AGBL3: variants seen among roughly 807,000 people sequenced by gnomAD.
The protein encoded by AGBL3 is AGBL carboxypeptidase 3.
In AGBL3, 68 loss-of-function variants were observed where a neutral mutation model predicts 94.5. That is an observed-to-expected ratio of 0.72 (90% CI 0.59 to 0.88). The LOEUF (loss-of-function observed/expected upper bound fraction) is 0.88. AGBL3 is among the 40% of genes least tolerant of loss of function. The probability of loss-of-function intolerance (pLI) is 0.00; values close to 1 mark genes in which losing one functional copy is unlikely to be tolerated. For missense variants in AGBL3, 934 were observed against 1,103.8 expected (o/e 0.85, Z 2.18); for synonymous variants, 354 against 370.7 (o/e 0.95, Z 0.52).
chr7:135,004,769 G>A (rs1812177821), intron 4 of AGBL3, among the ~76,000 whole-genome samples: 1 of 151,262 alleles, frequency 6.6e-6, no homozygotes. Flanking sequence ...ACTTTACATT[G>A]TGTTTTTGCA....
At chr7:135,024,995 A>AT (rs1814932720) in intron 5 of AGBL3, among the ~76,000 whole-genome samples, 1 of 151,612 alleles carries the variant, frequency 6.6e-6, no homozygotes, top group African/African-American at 2.4e-5. Context: ...CCTATGACCC[A>AT]TTGGCATTCC....
Position 135,135,048 on chromosome 7 carries a change from A to C in AGBL3, c.2550A>C (p.Glu850Asp). The change falls in exon 17 of 17, where the codon GAA becomes GAC. Residue 850 changes from glutamate to aspartate, a missense_variant. Coordinates refer to ENST00000436302, the MANE Select transcript of AGBL3 (RefSeq NM_178563.4). ...CTCAAATCTGGGCCATAAAGAATGAAGACATAAAACCTCTCAGCAGCAAGT... is the reference window on the plus strand; with the variant it reads ...CTCAAATCTGGGCCATAAAGAATGACGACATAAAACCTCTCAGCAGCAAGT... The part of the protein sequence containing the change: ...KHSQIWAIKN[E>D]DIKPLSSKWE... 1 of 1,551,262 alleles carries C rather than the reference A, an allele frequency of 6.4e-7. No homozygotes were observed. Among genetic ancestry groups the C allele is most frequent in the Non-Finnish European group, 8.7e-7 (1 of 1,146,678 alleles).
intron 4 of AGBL3, among the ~76,000 whole-genome samples, chr7:135,013,199 C>G (rs945607213): frequency 6.6e-6 from 1 of 151,984 alleles, no homozygotes; most frequent in Non-Finnish European, 1.5e-5. Flanking sequence ...AAATCTGAAC[C>G]ACAATGAGAT....
intron 4 of AGBL3, among the ~76,000 whole-genome samples, 181 bp from the exon 5 acceptor site, chr7:135,016,871 A>G (rs999040312): frequency 6.6e-6 from 1 of 152,216 alleles, no homozygotes; most frequent in Non-Finnish European, 1.5e-5. Context: ...ATGAAATGTC[A>G]TAAGTTGTAT....
chr7:135,015,193 G>A (rs982278266), intron 4 of AGBL3, among the ~76,000 whole-genome samples: 6 of 152,150 alleles, frequency 3.9e-5, no homozygotes, highest in African/African-American at 1.2e-4. Flanking sequence ...AGAATACTCA[G>A]AAAATCTTGA....
intron 10 of AGBL3, 68 bp from the exon 11 acceptor site, chr7:135,045,731 A>C: frequency 7.3e-7 from 1 of 1,360,700 alleles, no homozygotes; most frequent in South Asian, 1.3e-5. Flanking sequence ...GGTGTCTATA[A>C]ATACTCAAAT....
At chr7:135,030,475 G>A (rs1424632323) in intron 5 of AGBL3, among the ~76,000 whole-genome samples, 2 of 152,124 alleles carry the variant, frequency 1.3e-5, no homozygotes, top group African/African-American at 4.8e-5. Context: ...ATCATAAGTA[G>A]GAGACCATCT....
intron 12 of AGBL3, among the ~76,000 whole-genome samples, chr7:135,062,606 A>G (rs1023352639): frequency 6.6e-6 from 1 of 152,120 alleles, no homozygotes; most frequent in Admixed American, 6.6e-5. Context: ...TTCCTTCTGC[A>G]TATATTGAGA....
intron 15 of AGBL3, among the ~76,000 whole-genome samples, chr7:135,103,339 C>T (rs537050347): frequency 1.4e-3 from 208 of 152,128 alleles, no homozygotes; most frequent in Admixed American, 3.1e-3. Flanking sequence ...TCTCTATATT[C>T]GGGAATATAG....
At chr7:135,025,320 C>T (rs1814968694) in intron 5 of AGBL3, among the ~76,000 whole-genome samples, 1 of 151,578 alleles carries the variant, frequency 6.6e-6, no homozygotes, top group Admixed American at 6.6e-5. Flanking sequence ...TTCAGCATCC[C>T]TAAAGAAAGA....
chr7:135,032,244 C>T (rs923598521), intron 5 of AGBL3, among the ~76,000 whole-genome samples: 1 of 152,116 alleles, frequency 6.6e-6, no homozygotes, highest in Non-Finnish European at 1.5e-5. Context: ...GGTGAAAGGG[C>T]AAGTTCAGAA....
At chr7:135,053,248 C>T (rs985776835) in intron 11 of AGBL3, among the ~76,000 whole-genome samples, 2 of 152,142 alleles carry the variant, frequency 1.3e-5, no homozygotes, top group Non-Finnish European at 2.9e-5. Context: ...AAAGGAAGAA[C>T]TCCCTAATAA....
intron 15 of AGBL3, among the ~76,000 whole-genome samples, chr7:135,110,059 T>C (rs767403371): frequency 6.6e-6 from 1 of 151,884 alleles, no homozygotes; most frequent in Non-Finnish European, 1.5e-5. Context: ...AAGGCAACAA[T>C]GGCTAGGGCT....
intron 3 of AGBL3, among the ~76,000 whole-genome samples, chr7:134,992,505 T>C (rs949562926): frequency 2.0e-5 from 3 of 152,244 alleles, no homozygotes; most frequent in Non-Finnish European, 4.4e-5. Flanking sequence ...AAGCTCATGA[T>C]GGCAGGGACA....
At chr7:134,994,857 A>G (rs1810794317) in intron 4 of AGBL3, among the ~76,000 whole-genome samples, 1 of 152,140 alleles carries the variant, frequency 6.6e-6, no homozygotes, top group African/African-American at 2.4e-5. Flanking sequence ...ACTAAACAGA[A>G]TCACTTCCTT....
chr7:135,030,337 A>C (rs1815594975), intron 5 of AGBL3, among the ~76,000 whole-genome samples: 1 of 152,128 alleles, frequency 6.6e-6, no homozygotes, highest in Admixed American at 6.6e-5. Flanking sequence ...TCAAAGGTGC[A>C]TTTTCAACTT....
chr7:134,997,488 A>G (rs1404518695), intron 4 of AGBL3, among the ~76,000 whole-genome samples: 2 of 152,192 alleles, frequency 1.3e-5, no homozygotes, highest in African/African-American at 4.8e-5. Flanking sequence ...AGGGAAGCTC[A>G]TCTAGCTTTG....
chr7:135,133,054 C>T lies in AGBL3; in HGVS notation c.2343-1787C>T, dbSNP rs182016829. On this transcript the variant is annotated intron_variant, in intron 16 of 16. Coordinates refer to ENST00000436302, the MANE Select transcript of AGBL3 (RefSeq NM_178563.4). The stretch of plus-strand genomic sequence containing the variant: ...CCTAATAAATTTACCAAAACACACA[C>T]GCACGCATGCGTGCACACACACACA... Among the ~76,000 whole-genome samples, 404 of 132,496 alleles carry T rather than the reference C, an allele frequency of 3.0e-3. 1 individual carries two copies. The highest frequency in any genetic ancestry group is 0.01 in the African/African-American group (374 of 35,932). The allele number at this position is 132,496 out of a possible 152,430, so 86.9% of individuals were successfully genotyped here. A position where few individuals can be genotyped will look rare whatever the true frequency, so the allele number is the denominator to read the frequency against.
chr7:135,107,954 T>C (rs1440614416), intron 15 of AGBL3, among the ~76,000 whole-genome samples: 1 of 152,230 alleles, frequency 6.6e-6, no homozygotes, highest in African/African-American at 2.4e-5. Context: ...GAGCCCTGAT[T>C]ACCATTATGT....
Sources: gnomAD v4.1 joint callset for allele counts (sites outside exome capture counted in the v4.1 genomes callset) on GRCh38, gnomAD v4.1.1 for gene constraint, MANE v1.5 for transcripts, NCBI Gene and HGNC (gene_info 2026-07-23, HGNC 2026-07-21) for gene names.